Variants in AUTS2 observed in about 807,000 individuals in gnomAD.
AUTS2 encodes activator of transcription and developmental regulator AUTS2, also known as autism susceptibility gene 2 protein.
In AUTS2, 17 loss-of-function variants were observed where a neutral mutation model predicts 112.4. That is an observed-to-expected ratio of 0.15 (90% CI 0.10 to 0.23). AUTS2 has a LOEUF of 0.23. Among genes scored for constraint, AUTS2 ranks in the 10% least tolerant of loss-of-function variants. The pLI is 1.00. For synonymous variants in AUTS2, 751 were observed against 702.7 expected (o/e 1.07, Z -1.09); for missense variants, 1,510 against 1,701.6 (o/e 0.89, Z 1.98).
intron 5 of AUTS2, among the ~76,000 whole-genome samples, chr7:70,608,299 C>T (rs1354299890): frequency 6.6e-6 from 1 of 152,046 alleles, no homozygotes; most frequent in East Asian, 1.9e-4. Flanking sequence ...TAGATGGGGT[C>T]TCACTATGTT....
intron 1 of AUTS2, among the ~76,000 whole-genome samples, chr7:69,868,743 T>C (rs1173375977): frequency 1.3e-5 from 2 of 152,222 alleles, no homozygotes; most frequent in African/African-American, 4.8e-5. Context: ...TTTTGATAGG[T>C]GAAATGGCTT....
chr7:69,919,322 G>A (rs1457735071), intron 2 of AUTS2, among the ~76,000 whole-genome samples: 1 of 152,108 alleles, frequency 6.6e-6, no homozygotes, highest in African/African-American at 2.4e-5. Context: ...CAGCAGTTAT[G>A]GGGATCTTCA....
chr7:69,754,757 C>A (rs1259857557), intron 1 of AUTS2, among the ~76,000 whole-genome samples: 1 of 152,132 alleles, frequency 6.6e-6, no homozygotes, highest in Admixed American at 6.6e-5. Context: ...ATCTCATTCT[C>A]AAAACAGCAA....
intron 2 of AUTS2, among the ~76,000 whole-genome samples, chr7:69,939,951 A>G (rs1373362471): frequency 2.0e-5 from 3 of 152,244 alleles, no homozygotes; most frequent in Admixed American, 6.5e-5. Flanking sequence ...TCCACTCATC[A>G]TAACAACAAC....
At chr7:70,300,804 T>C (rs543469969) in intron 4 of AUTS2, among the ~76,000 whole-genome samples, 30 of 152,324 alleles carry the variant, frequency 2.0e-4, no homozygotes, top group African/African-American at 6.7e-4. Flanking sequence ...GCTTTTGGGA[T>C]GTAGACACAT....
Position 69,598,625 on chromosome 7 carries a change from G to T in AUTS2, c.-1029G>T. 1 of 173,884 alleles carries T rather than the reference G, an allele frequency of 5.8e-6. No homozygotes were observed. Among genetic ancestry groups the T allele is most frequent in the South Asian group, 1.0e-4 (1 of 9,930 alleles). 10.8% of individuals were successfully genotyped at this position (173,884 alleles called of 1,614,324 possible). ...CTGCGCTTCTCCCTCAGGCGGGGCG[G>T]CGAGAGAAGCGGCGGCGGCGGCGGC... On this transcript the variant is annotated 5_prime_UTR_variant, in exon 1 of 19. Coordinates refer to ENST00000342771, the MANE Select transcript of AUTS2 (RefSeq NM_015570.4).
At chr7:70,749,582 G>T (rs1436231020) in intron 6 of AUTS2, among the ~76,000 whole-genome samples, 3 of 152,182 alleles carry the variant, frequency 2.0e-5, no homozygotes, top group African/African-American at 7.2e-5. Flanking sequence ...ATTAAGGGCT[G>T]TGTGATAGCC....
chr7:70,571,251 C>G (rs990917818), intron 5 of AUTS2, among the ~76,000 whole-genome samples: 1 of 152,136 alleles, frequency 6.6e-6, no homozygotes, highest in Non-Finnish European at 1.5e-5. Flanking sequence ...GTGGATTTCT[C>G]TCTGTGACTT....
intron 4 of AUTS2, among the ~76,000 whole-genome samples, chr7:70,314,248 T>A (rs537331808): frequency 1.3e-5 from 2 of 152,336 alleles, no homozygotes; most frequent in East Asian, 3.9e-4. Context: ...GATTACATAC[T>A]AATAAAAACT....
intron 6 of AUTS2, among the ~76,000 whole-genome samples, chr7:70,714,133 A>C (rs1170991787): frequency 6.6e-6 from 1 of 152,236 alleles, no homozygotes; most frequent in Non-Finnish European, 1.5e-5. Flanking sequence ...CTTTACATGT[A>C]AGATGAAATT....
chr7:69,915,649 T>C (rs1029983924), intron 2 of AUTS2, among the ~76,000 whole-genome samples: 4 of 152,246 alleles, frequency 2.6e-5, no homozygotes, highest in African/African-American at 9.6e-5. Context: ...TAGCTTTCCT[T>C]TTCTATCATT....
intron 4 of AUTS2, among the ~76,000 whole-genome samples, chr7:70,207,428 A>G (rs945662798): frequency 1.1e-4 from 17 of 152,222 alleles, no homozygotes; most frequent in African/African-American, 3.9e-4. Flanking sequence ...TTTGAAAAAA[A>G]TGTATGAAGA....
At chr7:70,654,145 A>T (rs1346644392) in intron 5 of AUTS2, among the ~76,000 whole-genome samples, 1 of 152,216 alleles carries the variant, frequency 6.6e-6, no homozygotes, top group Non-Finnish European at 1.5e-5. Context: ...GAACTATGGA[A>T]ATATGATAGT....
At chr7:70,075,907 A>G (rs1803003657) in intron 2 of AUTS2, among the ~76,000 whole-genome samples, 1 of 152,222 alleles carries the variant, frequency 6.6e-6, no homozygotes, top group Non-Finnish European at 1.5e-5. Flanking sequence ...TTCTATACAT[A>G]GCCAGATAGT....
chr7:70,006,679 T>A (rs1799557996), intron 2 of AUTS2, among the ~76,000 whole-genome samples: 2 of 152,156 alleles, frequency 1.3e-5, no homozygotes. Context: ...AAGTTTGCGG[T>A]GTGGTACCTT....
At chr7:70,155,960 G>C (rs1251972038) in intron 4 of AUTS2, among the ~76,000 whole-genome samples, 1 of 152,136 alleles carries the variant, frequency 6.6e-6, no homozygotes, top group African/African-American at 2.4e-5. Flanking sequence ...ACATCTGAAG[G>C]ATCCTGTTGG....
At chr7:70,712,897 G>A (rs1366895422) in intron 6 of AUTS2, among the ~76,000 whole-genome samples, 1 of 152,172 alleles carries the variant, frequency 6.6e-6, no homozygotes, top group Non-Finnish European at 1.5e-5. Flanking sequence ...CAGTTCTCCT[G>A]CTTCAGCCTC....
At chr7:70,622,730 C>G (rs750753051) in intron 5 of AUTS2, among the ~76,000 whole-genome samples, 2 of 152,188 alleles carry the variant, frequency 1.3e-5, no homozygotes, top group Non-Finnish European at 2.9e-5. Flanking sequence ...TGTGCTCTTT[C>G]AACTTAGGGA....
At chr7:69,870,630 A>G (rs1445287233) in intron 1 of AUTS2, among the ~76,000 whole-genome samples, 1 of 151,678 alleles carries the variant, frequency 6.6e-6, no homozygotes, top group African/African-American at 2.4e-5. Flanking sequence ...CTTGTCTTAC[A>G]CTTCTTACAG....
Sources: allele counts gnomAD v4.1 joint callset (sites outside exome capture counted in the v4.1 genomes callset), GRCh38; gene constraint gnomAD v4.1.1; transcripts MANE v1.5; gene names NCBI Gene and HGNC (gene_info 2026-07-23, HGNC 2026-07-21).